The following ATXN1 variants were observed in gnomAD, a reference collection of about 807,000 sequenced individuals.
The protein encoded by ATXN1 is ataxin 1.
In ATXN1, 8 loss-of-function variants were observed where a neutral mutation model predicts 56.4. The ratio of observed to expected loss-of-function variants is 0.14; its 90% CI spans 0.08 to 0.26. The LOEUF (loss-of-function observed/expected upper bound fraction) is 0.26, where lower values mean the gene tolerates loss of function less well. Among genes scored for constraint, ATXN1 ranks in the 10% least tolerant of loss-of-function variants. The pLI, the probability that ATXN1 is intolerant of heterozygous loss-of-function variation, is 1.00. For missense variants in ATXN1, 987 were observed against 1,106.5 expected, an observed-to-expected ratio of 0.89 and a Z score of 1.53; for synonymous variants, 514 against 494.6, an observed-to-expected ratio of 1.04 and a Z score of -0.52.
intron 7 of ATXN1, among the ~76,000 whole-genome samples, chr6:16,323,518 C>CT (rs1760730401): frequency 9.5e-6 from 1 of 104,804 alleles, no homozygotes; most frequent in Non-Finnish European, 1.7e-5. Flanking sequence ...GAGCAAGACT[C>CT]TGTCTCCAAA....
chr6:16,367,758 G>C (rs1442291444), intron 6 of ATXN1, among the ~76,000 whole-genome samples: 3 of 150,194 alleles, frequency 2.0e-5, no homozygotes, highest in African/African-American at 5.0e-5. Flanking sequence ...CTTGCAGCTA[G>C]GTATGCCTAG....
chr6:16,326,972 C>G lies in ATXN1; in HGVS notation c.1339G>C (p.Gly447Arg). The change falls in exon 7 of 8, where the codon GGA (glycine) becomes CGA (arginine). Residue 447 changes from glycine to arginine, a missense_variant. Physicochemically the swap from Gly to Arg is moderately radical, Grantham distance 125 (BLOSUM62 -2). Coordinates refer to ENST00000436367, the MANE Select transcript of ATXN1 (RefSeq NM_001128164.2). This position sits in a 1 kb window ranked among gnomAD's most constrained non-coding sequence, Gnocchi z 6.6. ...THSASEPLPV[G>R]LPATAFYAGT... ...GCGTAGAAGGCCGTGGCTGGCAGTC[C>G]CACCGGGAGTGGCTCTGAAGCACTG... 2 of 1,614,138 alleles carry G rather than the reference C, an allele frequency of 1.2e-6. No individual in the cohort carries two copies. The highest frequency in any genetic ancestry group is 1.7e-6 in the Non-Finnish European group (2 of 1,180,018).
intron 6 of ATXN1, among the ~76,000 whole-genome samples, chr6:16,464,664 G>C (rs1399924983): frequency 6.6e-6 from 1 of 151,378 alleles, no homozygotes. Context: ...ATTGCCACAT[G>C]AAAGAAGCCA....
intron 3 of ATXN1, among the ~76,000 whole-genome samples, chr6:16,642,552 AAC>A (rs1437348671): frequency 6.6e-6 from 1 of 152,272 alleles, no homozygotes; most frequent in East Asian, 1.9e-4. Context: ...GACTGACTCT[AAC>A]TTTGAAAGTT....
chr6:16,518,841 A>G (rs1195388035), intron 5 of ATXN1, among the ~76,000 whole-genome samples: 1 of 152,190 alleles, frequency 6.6e-6, no homozygotes, highest in Non-Finnish European at 1.5e-5. Context: ...AAAAAGGATG[A>G]TTTTGGTGCC....
intron 5 of ATXN1, among the ~76,000 whole-genome samples, chr6:16,498,152 C>T (rs1306439144): frequency 6.6e-6 from 1 of 152,302 alleles, no homozygotes; most frequent in South Asian, 2.1e-4. Flanking sequence ...CTGTCCCCCA[C>T]TCCTCTCAGC....
intron 2 of ATXN1, among the ~76,000 whole-genome samples, chr6:16,732,837 T>C (rs1279251288): frequency 6.6e-6 from 1 of 152,260 alleles, no homozygotes; most frequent in Admixed American, 6.5e-5. Context: ...CTTCATTACA[T>C]GTTTTTGTAA....
intron 3 of ATXN1, among the ~76,000 whole-genome samples, chr6:16,602,995 T>C (rs1762939169): frequency 6.6e-6 from 1 of 152,180 alleles, no homozygotes; most frequent in African/African-American, 2.4e-5. Flanking sequence ...TATAAAGTGA[T>C]TGGCCCATTG....
intron 2 of ATXN1, among the ~76,000 whole-genome samples, chr6:16,694,131 C>T (rs1759106031): frequency 6.6e-6 from 1 of 151,864 alleles, no homozygotes; most frequent in South Asian, 2.1e-4. Context: ...AAATATATCA[C>T]TATCCGATTA....
intron 2 of ATXN1, among the ~76,000 whole-genome samples, chr6:16,708,894 T>G (rs1235444149): frequency 6.6e-6 from 1 of 151,630 alleles, no homozygotes; most frequent in Non-Finnish European, 1.5e-5. Flanking sequence ...GGCACGGTGG[T>G]GCATGCCTGT....
At chr6:16,619,156 T>C (rs1763273664) in intron 3 of ATXN1, among the ~76,000 whole-genome samples, 1 of 152,094 alleles carries the variant, frequency 6.6e-6, no homozygotes. Context: ...TACTTAGTGT[T>C]GTCCAGAGTG....
chr6:16,385,588 T>A (rs1337266110), intron 6 of ATXN1, among the ~76,000 whole-genome samples: 1 of 152,250 alleles, frequency 6.6e-6, no homozygotes, highest in East Asian at 1.9e-4. Flanking sequence ...TCTAGCTCCT[T>A]TCTAACTCAG....
At chr6:16,453,588 TATC>T (rs924301113) in intron 6 of ATXN1, among the ~76,000 whole-genome samples, 7 of 152,138 alleles carry the variant, frequency 4.6e-5, no homozygotes, top group Admixed American at 2.0e-4. Flanking sequence ...TCATTATCAT[TATC>T]ATCATCATCA....
chr6:16,521,530 C>T (rs1561737642), intron 5 of ATXN1, among the ~76,000 whole-genome samples: 1 of 152,200 alleles, frequency 6.6e-6, no homozygotes, highest in African/African-American at 2.4e-5. Flanking sequence ...TGCACTCCAG[C>T]CTGGGCGACA....
At position 16,744,625 on chromosome 6, in the gene ATXN1, G is replaced by A. The variant is rs9358104; in HGVS notation, c.-615+8608C>T. ...GTGAGAATCAAGGAGTGAGGGGCAG[G>A]TGGGAGAAGGGGAAAGGGGCCCTTG... is the stretch of plus-strand genomic sequence containing the variant. On this transcript the variant is annotated intron_variant, in intron 2 of 7. Coordinates refer to ENST00000436367, the MANE Select transcript of ATXN1 (RefSeq NM_001128164.2). 4.8e-3 allele frequency among the ~76,000 whole-genome samples: 735 copies of A among 152,300 alleles called. 27 individuals are homozygous for A. In the East Asian group the frequency reaches 0.1, roughly 22 times the overall value.
At chr6:16,588,190 AC>A (rs1302311725) in intron 3 of ATXN1, among the ~76,000 whole-genome samples, 1 of 151,800 alleles carries the variant, frequency 6.6e-6, no homozygotes, top group Non-Finnish European at 1.5e-5. Flanking sequence ...CTCCGGCACC[AC>A]CCTGGCTCAT....
At chr6:16,484,947 A>ATGTGTGTGTGTGTG (rs35749735) in intron 6 of ATXN1, among the ~76,000 whole-genome samples, 1 of 126,050 alleles carries the variant, frequency 7.9e-6, no homozygotes, top group East Asian at 2.3e-4. Flanking sequence ...CTAAATATAT[A>ATGTGTGTGTGTGTG]TGTGTGTGTG....
At chr6:16,684,036 C>G (rs1210596782) in intron 2 of ATXN1, among the ~76,000 whole-genome samples, 2 of 152,144 alleles carry the variant, frequency 1.3e-5, no homozygotes, top group Non-Finnish European at 2.9e-5. Flanking sequence ...AGAGGCAGAC[C>G]ATGGGGCCAA....
At chr6:16,339,851 C>T (rs928258141) in intron 6 of ATXN1, among the ~76,000 whole-genome samples, 9 of 152,158 alleles carry the variant, frequency 5.9e-5, no homozygotes, top group Non-Finnish European at 7.4e-5. Flanking sequence ...GGCGTGATCT[C>T]GGCTCACTGC....
Sources: allele counts gnomAD v4.1 joint callset (sites outside exome capture counted in the v4.1 genomes callset), GRCh38; gene constraint gnomAD v4.1.1; non-coding constraint Gnocchi (gnomAD v3.1); transcripts MANE v1.5; gene names NCBI Gene and HGNC (gene_info 2026-07-23, HGNC 2026-07-21).